The following NCOR2 variants were observed in gnomAD, a reference collection of about 807,000 sequenced individuals.
NCOR2 encodes the protein CTG repeat protein 26.
In NCOR2, 81 loss-of-function variants were observed where a neutral mutation model predicts 262.9. The observed-to-expected ratio is 0.31, with a 90% confidence interval of 0.26 to 0.37. The LOEUF is 0.37. Among genes scored for constraint, NCOR2 ranks in the 10% least tolerant of loss-of-function variants. The probability of loss-of-function intolerance (pLI) is 1.00; values close to 1 mark genes in which losing one functional copy is unlikely to be tolerated. For synonymous variants in NCOR2, 1,659 were observed against 1,559.3 expected, an observed-to-expected ratio of 1.06 and a Z score of -1.51; for missense variants, 3,385 against 3,621.4, an observed-to-expected ratio of 0.93 and a Z score of 1.68.
intron 1 of NCOR2, among the ~76,000 whole-genome samples, chr12:124,505,613 G>GTGTGACCTTGGGTGAGGT (rs1792141494): frequency 1.3e-5 from 2 of 152,294 alleles, no homozygotes; most frequent in South Asian, 4.1e-4. Context: ...TTCCACAGCT[G>GTGTGACCTTGGGTGAGGT]TGTGACCTTG....
At chr12:124,515,296 A>G (rs2049663084) in intron 1 of NCOR2, among the ~76,000 whole-genome samples, 1 of 151,738 alleles carries the variant, frequency 6.6e-6, no homozygotes, top group Non-Finnish European at 1.5e-5. Context: ...TGAACTCAGG[A>G]GGCAGTGGTT....
chr12:124,355,601 G>C lies in NCOR2; in HGVS notation c.3242-30C>G, dbSNP rs903271364. ...GGAGCACATGTCTGTCCATTGTGGG[G>C]CCCAGGAGCGGTCACGTCCCTGCCG... On this transcript the variant is annotated intron_variant, in intron 23 of 46. Transcript: ENST00000405201. 7 of 1,523,016 alleles carry C rather than the reference G, an allele frequency of 4.6e-6. No individual in the cohort carries two copies. In the Admixed American group the frequency reaches 1.1e-4, roughly 23 times the overall value. 94.3% of individuals were successfully genotyped at this position (1,523,016 alleles called of 1,614,324 possible). A position where few individuals can be genotyped will look rare whatever the true frequency, so the allele number is the denominator to read the frequency against.
intron 16 of NCOR2, among the ~76,000 whole-genome samples, chr12:124,390,750 C>T (rs1444687520): frequency 1.3e-5 from 2 of 152,250 alleles, no homozygotes; most frequent in Non-Finnish European, 2.9e-5. Context: ...ACACTCTGTG[C>T]CAGGGCGGAG....
chr12:124,474,578 G>T (rs1020954648), intron 3 of NCOR2, among the ~76,000 whole-genome samples: 1 of 152,088 alleles, frequency 6.6e-6, no homozygotes, highest in Non-Finnish European at 1.5e-5. Context: ...TGCAGCCCTG[G>T]GTTCAAATCC....
In NCOR2 at chr12:124,483,869, G is replaced by C. The variant is rs112432730; in HGVS notation, c.234-96C>G. ...CCTCTGCGCCGAGCATCTACTGCGC[G>C]CCGTGCTCTGTATGATCCTGCCAGG... On this transcript the variant is annotated intron_variant, in intron 2 of 46. Coordinates refer to ENST00000405201, the Ensembl canonical transcript of NCOR2. The surrounding 1 kb of genome is among the most constrained non-coding windows in gnomAD (Gnocchi z 6.3). 5.2e-6 allele frequency: 7 copies of C among 1,347,200 alleles called. No homozygotes were observed. The South Asian group carries it at 1.1e-4, about 21-fold the overall frequency. 83.5% of individuals were successfully genotyped at this position (1,347,200 alleles called of 1,614,324 possible).
intron 1 of NCOR2, among the ~76,000 whole-genome samples, chr12:124,564,997 G>C (rs2052188282): frequency 6.6e-6 from 1 of 151,848 alleles, no homozygotes; most frequent in Non-Finnish European, 1.5e-5. Flanking sequence ...AGAGCTCTGG[G>C]AAATCTTTAG....
chr12:124,339,930 A>G (rs1303970509), intron 37 of NCOR2, 76 bp downstream of exon 39: 3 of 897,602 alleles, frequency 3.3e-6, no homozygotes, highest in Non-Finnish European at 4.6e-6. Flanking sequence ...CCCACCAAGC[A>G]TCCTCTTATC....
At chr12:124,330,667 C>T (rs971975892) in intron 44 of NCOR2, among the ~76,000 whole-genome samples, 178 bp downstream of exon 46, 10 of 152,262 alleles carry the variant, frequency 6.6e-5, no homozygotes, top group Non-Finnish European at 1.5e-4. Flanking sequence ...ACACAGGGAA[C>T]AAGCCTCGCC....
chr12:124,555,255 C>G (rs1223139692), intron 1 of NCOR2, among the ~76,000 whole-genome samples: 1 of 152,168 alleles, frequency 6.6e-6, no homozygotes, highest in Non-Finnish European at 1.5e-5. Context: ...TCTGGAGCAC[C>G]CTCACCTCTG....
intron 4 of NCOR2, among the ~76,000 whole-genome samples, chr12:124,467,252 ACCC>A (rs1194934600): frequency 8.5e-5 from 1 of 11,766 alleles, no homozygotes; most frequent in African/African-American, 3.2e-4. Flanking sequence ...CATCCCCATC[ACCC>A]CCATTATCCT....
chr12:124,444,468 G>A (rs2045021726), intron 7 of NCOR2, among the ~76,000 whole-genome samples: 1 of 152,186 alleles, frequency 6.6e-6, no homozygotes, highest in Non-Finnish European at 1.5e-5. Flanking sequence ...ACTGGTCCTG[G>A]GGTTTATGGG....
chr12:124,350,670 C>A (rs374662581), exon 28 of NCOR2: 1 of 1,613,668 alleles, frequency 6.2e-7, no homozygotes, highest in Non-Finnish European at 8.5e-7. Flanking sequence ...GCGGTCCAAG[C>A]GACTCGGGCT....
chr12:124,539,457 T>TC (rs2051223491), upstream of NCOR2: 1 of 150,112 alleles, frequency 6.7e-6, no homozygotes, highest in Non-Finnish European at 1.5e-5. This position sits in a 1 kb window ranked among gnomAD's most constrained non-coding sequence, Gnocchi z 5.1. Flanking sequence ...GCTCCCACGC[T>TC]CCCCCTCACC....
chr12:124,461,470 A>G (rs569000048), intron 5 of NCOR2, among the ~76,000 whole-genome samples: 15 of 152,358 alleles, frequency 9.8e-5, no homozygotes, highest in Admixed American at 2.6e-4. Flanking sequence ...CAGGCCTCCC[A>G]TGCCCAAAAA....
chr12:124,472,280 A>G (rs972044675), intron 4 of NCOR2, among the ~76,000 whole-genome samples: 1 of 152,242 alleles, frequency 6.6e-6, no homozygotes, highest in Non-Finnish European at 1.5e-5. Flanking sequence ...ATAAATATTT[A>G]TATCAGCTTT....
intron 16 of NCOR2, 97 bp downstream of exon 18, chr12:124,398,022 G>C: frequency 6.9e-7 from 1 of 1,444,614 alleles, no homozygotes; most frequent in Non-Finnish European, 9.7e-7. Context: ...ACAGCCCCTG[G>C]CTCAAGGCCA....
Position 124,523,971 on chromosome 12 carries a change from G to A in NCOR2, c.-118+11594C>T, listed in dbSNP as rs1305060718. ...CTGGAGACATGGTATTGTTCTCTGA[G>A]AAACTGCTGTGGCCGTGGGCCTTGA... On this transcript the variant is annotated intron_variant, in intron 1 of 46. Transcript: ENST00000404621. This position sits in a 1 kb window ranked among gnomAD's most constrained non-coding sequence, Gnocchi z 4.0. Among the ~76,000 whole-genome samples the A allele has an allele frequency of 6.6e-6, 1 of 152,218 alleles. No individual in the cohort carries two copies. The highest frequency in any genetic ancestry group is 2.4e-5 in the African/African-American group (1 of 41,452).
Position 124,402,397 on chromosome 12 carries a change from G to C in NCOR2, c.1640+7C>G. 6.2e-7 allele frequency: 1 copy of C among 1,614,072 alleles called. No homozygotes were observed. Among genetic ancestry groups the C allele is most frequent in the Non-Finnish European group, 8.5e-7 (1 of 1,179,948 alleles). On this transcript the variant is annotated splice_region_variant and intron_variant, in intron 14 of 46. Transcript: ENST00000405201. ...CGGGCCCTGCAGGGGACAGCAGGCT[G>C]CCTTACTTGAGGAGGTCTTCCTTGT... is the stretch of plus-strand genomic sequence containing the variant.
At chr12:124,326,940 C>A (rs569212682) in intron 45 of NCOR2, among the ~76,000 whole-genome samples, 1 of 152,202 alleles carries the variant, frequency 6.6e-6, no homozygotes, top group Non-Finnish European at 1.5e-5. Context: ...CTGAGACAGA[C>A]CCTGGGCTCC....
Sources: allele counts gnomAD v4.1 joint callset (sites outside exome capture counted in the v4.1 genomes callset), GRCh38; gene constraint gnomAD v4.1.1; non-coding constraint Gnocchi (gnomAD v3.1); transcripts MANE v1.5; gene names NCBI Gene and HGNC (gene_info 2026-07-23, HGNC 2026-07-21).